Variants in KLF12 observed in about 807,000 individuals in gnomAD.
The protein encoded by KLF12 is KLF transcription factor 12.
In KLF12, 9 loss-of-function variants were observed where a neutral mutation model predicts 37.8. The observed-to-expected ratio is 0.24, with a 90% CI of 0.14 to 0.42. The LOEUF (loss-of-function observed/expected upper bound fraction) is 0.42, where lower values mean the gene tolerates loss of function less well. Among genes scored for constraint, KLF12 ranks in the 10% least tolerant of loss-of-function variants. KLF12 has a pLI of 1.00. For synonymous variants in KLF12, 208 were observed against 202.1 expected, an observed-to-expected ratio of 1.03 and a Z score of -0.25; for missense variants, 411 against 516.0, an observed-to-expected ratio of 0.80 and a Z score of 1.97.
At chr13:74,187,153 C>A in the KLF12 span, among the ~76,000 whole-genome samples, 2 of 152,058 alleles carry the variant, frequency 1.3e-5, no homozygotes, top group African/African-American at 2.4e-5. Flanking sequence ...CACTGCGAAA[C>A]CCCATCTCCA....
At chr13:73,738,107 A>G (rs1399742037) in intron 6 of KLF12, among the ~76,000 whole-genome samples, 3 of 77,302 alleles carry the variant, frequency 3.9e-5, no homozygotes, top group African/African-American at 1.3e-4. Flanking sequence ...ATATATATAT[A>G]TATATATATA....
intron 1 of KLF12, among the ~76,000 whole-genome samples, chr13:74,101,680 C>G (rs1464388008): frequency 6.6e-6 from 1 of 152,138 alleles, no homozygotes; most frequent in Non-Finnish European, 1.5e-5. Flanking sequence ...ACAAGAGCCA[C>G]CGTGGCTTGC....
Position 73,686,495 on chromosome 13 carries a change from T to C in KLF12, c.*8995A>G, listed in dbSNP as rs976404141. On this transcript the variant is annotated 3_prime_UTR_variant, in exon 8 of 8. Transcript: ENST00000377669. ...ACAGGGTTGCCTAAACACTACAGAG[T>C]ATATAAATGCAGAGGAAACTATTGG... 2.6e-5 allele frequency: 4 copies of C among 152,506 alleles called. No individual in the cohort carries two copies. Among genetic ancestry groups the C allele is most frequent in the Non-Finnish European group, 2.9e-5 (2 of 68,012 alleles). 9.4% of individuals were successfully genotyped at this position (152,506 alleles called of 1,614,324 possible).
At chr13:74,068,414 A>G (rs1239772884) in intron 1 of KLF12, among the ~76,000 whole-genome samples, 7 of 152,328 alleles carry the variant, frequency 4.6e-5, no homozygotes, top group Admixed American at 1.3e-4. Context: ...AATAATGGAC[A>G]ATCCATCATG....
At chr13:74,063,714 A>G (rs1473331570) in intron 1 of KLF12, among the ~76,000 whole-genome samples, 1 of 152,202 alleles carries the variant, frequency 6.6e-6, no homozygotes, top group Non-Finnish European at 1.5e-5. Flanking sequence ...AATTTTTTTT[A>G]CAGTATAAGG....
At chr13:74,287,349 T>TGAGAGAGAGAGATA in the KLF12 span, among the ~76,000 whole-genome samples, 3 of 71,866 alleles carry the variant, frequency 4.2e-5, no homozygotes, top group African/African-American at 1.8e-4. Context: ...CTATCAAAGT[T>TGAGAGAGAGAGATA]GAGAGAGAGA....
At chr13:74,063,439 C>A (rs1440398024) in intron 1 of KLF12, among the ~76,000 whole-genome samples, 1 of 152,158 alleles carries the variant, frequency 6.6e-6, no homozygotes, top group Non-Finnish European at 1.5e-5. Flanking sequence ...GGTAAATTAA[C>A]CTTATTTAAC....
chr13:74,199,991 G>A, the KLF12 span, among the ~76,000 whole-genome samples: 1 of 151,940 alleles, frequency 6.6e-6, no homozygotes, highest in Non-Finnish European at 1.5e-5. Context: ...CTTAACTTCT[G>A]GGTGCTGAGG....
intron 1 of KLF12, among the ~76,000 whole-genome samples, chr13:74,097,561 C>T (rs913435115): frequency 6.6e-6 from 1 of 152,104 alleles, no homozygotes; most frequent in African/African-American, 2.4e-5. Flanking sequence ...GATCCAAAGA[C>T]TTCATATGCT....
chr13:74,006,517 T>C (rs1892413084), intron 1 of KLF12, among the ~76,000 whole-genome samples: 3 of 152,174 alleles, frequency 2.0e-5, no homozygotes. Flanking sequence ...TCAAAATACA[T>C]TTATCATCTT....
At chr13:74,205,878 A>G in the KLF12 span, among the ~76,000 whole-genome samples, 17 of 152,240 alleles carry the variant, frequency 1.1e-4, no homozygotes, top group South Asian at 3.1e-3. Flanking sequence ...AGGGAGAGAA[A>G]ATTGATGAAT....
the KLF12 span, among the ~76,000 whole-genome samples, chr13:74,221,849 G>A: frequency 9.8e-5 from 15 of 152,288 alleles, no homozygotes; most frequent in African/African-American, 2.6e-4. Context: ...CTCTGTGTGA[G>A]GACCTTAGAA....
chr13:74,280,802 T>C, the KLF12 span, among the ~76,000 whole-genome samples: 2 of 150,518 alleles, frequency 1.3e-5, no homozygotes, highest in Non-Finnish European at 2.9e-5. Context: ...AACTACACCA[T>C]ACTCATCTTT....
At chr13:73,792,950 C>T (rs1046184874) in intron 5 of KLF12, among the ~76,000 whole-genome samples, 1 of 152,150 alleles carries the variant, frequency 6.6e-6, no homozygotes, top group East Asian at 1.9e-4. Context: ...ATGCTGAACA[C>T]GTGTCTCACT....
At chr13:74,003,554 T>G (rs1158843880) in intron 1 of KLF12, among the ~76,000 whole-genome samples, 1 of 152,148 alleles carries the variant, frequency 6.6e-6, no homozygotes, top group Non-Finnish European at 1.5e-5. Flanking sequence ...GCAAAGGGAT[T>G]TATTAGGCAT....
chr13:74,192,980 T>G, the KLF12 span, among the ~76,000 whole-genome samples: 2 of 104,136 alleles, frequency 1.9e-5, no homozygotes, highest in Admixed American at 9.0e-5. Context: ...ACTTTTTCTG[T>G]TTTTTTTTTT....
intron 3 of KLF12, among the ~76,000 whole-genome samples, chr13:73,890,919 T>C (rs1887475878): frequency 6.6e-6 from 1 of 152,122 alleles, no homozygotes; most frequent in Non-Finnish European, 1.5e-5. Context: ...AATAAGGTAT[T>C]GGCATTCTAA....
chr13:73,701,637 G>GT (rs200840269), intron 7 of KLF12, among the ~76,000 whole-genome samples: 4,541 of 152,052 alleles, frequency 0.03, 115 homozygotes, highest in Non-Finnish European at 0.049. Context: ...ATCTTAATAA[G>GT]TTTTTTTTGT....
At chr13:74,208,517 A>C in the KLF12 span, among the ~76,000 whole-genome samples, 1 of 152,212 alleles carries the variant, frequency 6.6e-6, no homozygotes, top group African/African-American at 2.4e-5. Flanking sequence ...TTATAATAGC[A>C]AGTAAATTAT....
Sources: gnomAD v4.1 joint callset for allele counts (sites outside exome capture counted in the v4.1 genomes callset) on GRCh38, gnomAD v4.1.1 for gene constraint, MANE v1.5 for transcripts, NCBI Gene and HGNC (gene_info 2026-07-23, HGNC 2026-07-21) for gene names.